The following PI4KA variants were observed in gnomAD, a reference collection of about 807,000 sequenced individuals.
PI4KA encodes the protein phosphatidylinositol 4-kinase alpha.
PI4KA carries 122 observed loss-of-function variants against 271.4 expected under a neutral mutation model. That is an observed-to-expected ratio of 0.45 (90% CI 0.39 to 0.52). The LOEUF is 0.52. PI4KA is among the 20% of genes least tolerant of loss of function. The pLI is 0.00. For synonymous variants in PI4KA, 1,041 were observed against 1,078.8 expected, an observed-to-expected ratio of 0.96 and a Z score of 0.69; for missense variants, 1,969 against 2,769.1, an observed-to-expected ratio of 0.71 and a Z score of 6.48.
chr22:20,732,035 G>C (rs373926250), intron 36 of PI4KA, among the ~76,000 whole-genome samples: 1 of 151,706 alleles, frequency 6.6e-6, no homozygotes, highest in Non-Finnish European at 1.5e-5. Flanking sequence ...TTAGGCAGGC[G>C]TGGTGGCAGG....
chr22:20,751,851 G>A (rs1930736175), intron 25 of PI4KA, 96 bp from the exon 26 acceptor site: 1 of 1,039,776 alleles, frequency 9.6e-7, no homozygotes, highest in African/African-American at 1.6e-5. Context: ...GCCCATATCT[G>A]CTTCAGGCCA....
chr22:20,790,699 A>AACAAACACACACAC lies in PI4KA; in HGVS notation c.2328+2493_2328+2494insGTGTGTGTGTTTGT, dbSNP rs1555896153. On this transcript the variant is annotated intron_variant, in intron 19 of 54. Coordinates refer to ENST00000255882, the MANE Select transcript of PI4KA (RefSeq NM_058004.4). ...AAAATAAAAAAATTTAAAAAAAACA[A>AACAAACACACACAC]ACACACACACACACACACACACACA... Among the ~76,000 whole-genome samples the AACAAACACACACAC allele has an allele frequency of 2.9e-5, 4 of 139,386 alleles. No homozygotes were observed. In the South Asian group the frequency reaches 9.6e-4, roughly 33 times the overall value. 91.4% of individuals were successfully genotyped at this position (139,386 alleles called of 152,430 possible). A position where few individuals can be genotyped will look rare whatever the true frequency, so the allele number is the denominator to read the frequency against.
intron 36 of PI4KA, among the ~76,000 whole-genome samples, chr22:20,730,454 T>C (rs1489065681): frequency 2.0e-5 from 3 of 151,952 alleles, no homozygotes; most frequent in African/African-American, 7.3e-5. Context: ...TTTGTATTTT[T>C]AGTAGAGACA....
At chr22:20,748,888 C>T (rs1332047834) in intron 28 of PI4KA, among the ~76,000 whole-genome samples, 1 of 152,154 alleles carries the variant, frequency 6.6e-6, no homozygotes, top group Non-Finnish European at 1.5e-5. Context: ...GGGGAATAAG[C>T]ACACTGCAGG....
intron 8 of PI4KA, among the ~76,000 whole-genome samples, chr22:20,811,528 C>T (rs1921003751): frequency 7.0e-6 from 1 of 143,512 alleles, no homozygotes; most frequent in East Asian, 2.1e-4. Flanking sequence ...TTTAAATTTT[C>T]AATAGAAGCA....
At chr22:20,784,213 G>A in intron 19 of PI4KA, 1 of 1,614,158 alleles carries the variant, frequency 6.2e-7, no homozygotes, top group East Asian at 2.2e-5. Flanking sequence ...CACCCCGGGT[G>A]GTGGAGAGAT....
In PI4KA at chr22:20,858,637, A is replaced by C; in HGVS notation, c.89T>G (p.Phe30Cys). The change falls in exon 1 of 55, where the codon TTC (phenylalanine) becomes TGC (cysteine). Residue 30 changes from phenylalanine to cysteine, a missense_variant. Transcript: ENST00000255882. Reference protein sequence around the residue: ...SGSGSSASRGFYFNTVLSLAR... With the variant: ...SGSGSSASRGCYFNTVLSLAR... ...CAGTGACAGGACCGTGTTGAAATAG[A>C]AGCCCCGCGAGGCGCTGGAGCCGGA... is the stretch of plus-strand genomic sequence containing the variant. 5 of 1,485,694 alleles carry C rather than the reference A, an allele frequency of 3.4e-6. No homozygotes were observed. The highest frequency in any genetic ancestry group is 4.4e-6 in the Non-Finnish European group (5 of 1,124,328). 92.0% of individuals were successfully genotyped at this position (1,485,694 alleles called of 1,614,324 possible). A position where few individuals can be genotyped will look rare whatever the true frequency, so the allele number is the denominator to read the frequency against.
chr22:20,710,468 G>C, intron 52 of PI4KA: 1 of 584,268 alleles, frequency 1.7e-6, no homozygotes, highest in South Asian at 2.0e-5. Flanking sequence ...AGAGCCCATG[G>C]CTGAAGGCGT....
chr22:20,852,017 G>A (rs1046715355), intron 1 of PI4KA, among the ~76,000 whole-genome samples: 1 of 152,078 alleles, frequency 6.6e-6, no homozygotes, highest in Admixed American at 6.6e-5. Flanking sequence ...CCAGCTACTC[G>A]GGAGGCTGAA....
At chr22:20,722,759 T>C (rs959275507) in intron 42 of PI4KA, among the ~76,000 whole-genome samples, 3 of 152,216 alleles carry the variant, frequency 2.0e-5, no homozygotes, top group Non-Finnish European at 4.4e-5. Flanking sequence ...GAAGTGTCCC[T>C]TGGATGGACA....
chr22:20,711,579 T>C (rs1925278841), intron 50 of PI4KA, 118 bp from the exon 51 acceptor site: 20 of 1,158,016 alleles, frequency 1.7e-5, no homozygotes, highest in Non-Finnish European at 2.5e-5. Flanking sequence ...ACCCCCACTG[T>C]GGAAGCAGAG....
intron 19 of PI4KA, among the ~76,000 whole-genome samples, chr22:20,772,350 C>T (rs577768882): frequency 6.6e-6 from 1 of 152,260 alleles, no homozygotes; most frequent in Admixed American, 6.5e-5. Flanking sequence ...GTGCTGGGGC[C>T]GGGCTTTGCA....
chr22:20,854,370 C>T (rs1927341332), intron 1 of PI4KA, among the ~76,000 whole-genome samples: 1 of 152,170 alleles, frequency 6.6e-6, no homozygotes, highest in Non-Finnish European at 1.5e-5. Context: ...ATCAGCCTGC[C>T]TCAGCCTCCC....
rs1343342442 is a variant in PI4KA, at chr22:20,804,989, C to G, written c.1345G>C (p.Val449Leu). The G allele has an allele frequency of 6.2e-7, 1 of 1,613,010 alleles. No individual in the cohort carries two copies. The highest frequency in any genetic ancestry group is 2.2e-5 in the East Asian group (1 of 44,864). ...AACVDLMVWA[V>L]KDEQGAENLC... is the part of the protein sequence containing the mutation. The stretch of plus-strand genomic sequence containing the variant: ...TCTGTCTCACCCTGCTCGTCCTTCA[C>G]AGCCCACACCATGAGGTCCACACAG... The change falls in exon 11 of 55, where the codon GTG (valine) becomes CTG (leucine). Residue 449 changes from valine (V) to leucine (L), a missense_variant. Around this residue, in one of 13 missense-constraint regions of PI4KA, gnomAD observed 14 missense variants for 34.0 expected, o/e 0.41. Coordinates refer to ENST00000255882, the MANE Select transcript of PI4KA (RefSeq NM_058004.4).
At chr22:20,849,491 T>C (rs540148349) in intron 1 of PI4KA, among the ~76,000 whole-genome samples, 1 of 150,436 alleles carries the variant, frequency 6.6e-6, no homozygotes, top group Admixed American at 6.6e-5. Flanking sequence ...TGCATACAAA[T>C]ATTATTTAGT....
chr22:20,831,909 T>C (rs572017995), intron 3 of PI4KA, among the ~76,000 whole-genome samples: 12 of 152,282 alleles, frequency 7.9e-5, no homozygotes, highest in African/African-American at 2.9e-4. Context: ...TATCCTGAAA[T>C]ACGTTTTCCA....
Position 20,793,224 on chromosome 22 carries a change from T to C in PI4KA, c.2297A>G (p.Asn766Ser). The change falls in exon 19 of 55, where the codon AAC becomes AGC. Residue 766 changes from asparagine (N) to serine (S), a missense_variant. Transcript: ENST00000255882. Reference sequence around the variant, plus strand: ...TATTACAGGAATGAGTACTCCCAAGTTCCCTGCACTGCTAGAAGCCTAGAA... The same window carrying C: ...TATTACAGGAATGAGTACTCCCAAGCTCCCTGCACTGCTAGAAGCCTAGAA... ...PALKASSSAG[N>S]LGVLIPVIAV... 6.3e-7 allele frequency: 1 copy of C among 1,576,278 alleles called. No homozygotes were observed. The highest frequency in any genetic ancestry group is 1.7e-4 in the Middle Eastern group (1 of 6,000).
Position 20,729,351 on chromosome 22 carries a change from C to G in PI4KA, c.4644G>C (p.Trp1548Cys). 1 of 1,614,054 alleles carries G rather than the reference C, an allele frequency of 6.2e-7. No homozygotes were observed. The change falls in exon 39 of 55, where the codon TGG becomes TGC. Residue 1548 changes from tryptophan to cysteine, a missense_variant. This residue lies in a region of PI4KA where 388 missense variants were observed against 521.5 expected (regional missense o/e 0.74). Transcript: ENST00000255882. ...GCACGGCTAGGTAGGGAGAGATGCT[C>G]CAGGCGAGGTTCACGTTGTCCTTCC... is the stretch of plus-strand genomic sequence containing the variant. ...KQWKDNVNLA[W>C]SISPYLAVQL...
intron 31 of PI4KA, 87 bp from the exon 32 acceptor site, chr22:20,742,442 T>A (rs1929569527): frequency 1.3e-6 from 2 of 1,571,976 alleles, no homozygotes; most frequent in Non-Finnish European, 1.7e-6. Flanking sequence ...GTTGACCAGC[T>A]GGGGCCAGTG....
Sources: allele counts gnomAD v4.1 joint callset (sites outside exome capture counted in the v4.1 genomes callset), GRCh38; gene constraint gnomAD v4.1.1; regional missense constraint gnomAD v4.1.1; transcripts MANE v1.5; gene names NCBI Gene and HGNC (gene_info 2026-07-23, HGNC 2026-07-21).